Variants in BRINP3 observed in about 807,000 individuals in gnomAD.
The protein encoded by BRINP3 is BMP/retinoic acid-inducible neural-specific protein 3.
BRINP3 carries 19 observed loss-of-function variants against 71.0 expected under a neutral mutation model. The ratio of observed to expected loss-of-function variants is 0.27; its 90% CI spans 0.19 to 0.39. The LOEUF is 0.39. BRINP3 is among the 10% of genes least tolerant of loss of function. The pLI, the probability that BRINP3 is intolerant of heterozygous loss-of-function variation, is 1.00. For synonymous variants in BRINP3, 380 were observed against 337.7 expected (o/e 1.13, Z -1.37); for missense variants, 959 against 940.8 (o/e 1.02, Z -0.25).
chr1:190,442,113 T>C (rs1451749203), intron 2 of BRINP3, among the ~76,000 whole-genome samples: 1 of 152,338 alleles, frequency 6.6e-6, no homozygotes, highest in Non-Finnish European at 1.5e-5. Flanking sequence ...TGTTACTTTT[T>C]AAATTGATAA....
chr1:190,255,095 G>A lies in BRINP3; in HGVS notation c.618+9770C>T, dbSNP rs141684855. On this transcript the variant is annotated intron_variant, in intron 4 of 7. Coordinates refer to ENST00000367462, the MANE Select transcript of BRINP3 (RefSeq NM_199051.3). ...TTATGGTTATTGATTTGCATATGTC[G>A]AACCAGCCTTGCATCCCAGGGTGAA... is the stretch of plus-strand genomic sequence containing the variant. 5.9e-3 allele frequency among the ~76,000 whole-genome samples: 896 copies of A among 151,826 alleles called. 13 individuals carry two copies. The highest frequency in any genetic ancestry group is 0.042 in the South Asian group (200 of 4,810).
chr1:190,228,360 A>G (rs2102710855), intron 5 of BRINP3, among the ~76,000 whole-genome samples: 1 of 152,146 alleles, frequency 6.6e-6, no homozygotes, highest in East Asian at 1.9e-4. Flanking sequence ...TAAACTACTT[A>G]TCCATTTTAA....
intron 2 of BRINP3, among the ~76,000 whole-genome samples, chr1:190,336,713 C>A (rs570877973): frequency 6.6e-6 from 1 of 152,090 alleles, no homozygotes; most frequent in South Asian, 2.1e-4. Flanking sequence ...ATCTATGGCT[C>A]ATTTCTTAAA....
intron 7 of BRINP3, among the ~76,000 whole-genome samples, chr1:190,114,797 C>A (rs1652992441): frequency 6.6e-6 from 1 of 152,144 alleles, no homozygotes; most frequent in African/African-American, 2.4e-5. Flanking sequence ...CTGGTCTCTT[C>A]ACTATTTTGA....
chr1:190,385,943 A>T (rs968274483), intron 2 of BRINP3, among the ~76,000 whole-genome samples: 5 of 148,314 alleles, frequency 3.4e-5, no homozygotes, highest in Non-Finnish European at 7.5e-5. Context: ...GACATGGATG[A>T]AATTGGAAAT....
chr1:190,317,452 G>T (rs1665964229), intron 2 of BRINP3, among the ~76,000 whole-genome samples: 1 of 152,014 alleles, frequency 6.6e-6, no homozygotes, highest in East Asian at 1.9e-4. Context: ...CAAGTTGTCT[G>T]CAATACATCC....
intron 2 of BRINP3, among the ~76,000 whole-genome samples, chr1:190,320,956 T>C (rs1335462625): frequency 6.7e-6 from 1 of 149,800 alleles, no homozygotes; most frequent in East Asian, 1.9e-4. Context: ...ATATATGTTA[T>C]ATATATATAC....
At chr1:190,277,087 T>TTTTATATATA (rs1290283215) in intron 3 of BRINP3, among the ~76,000 whole-genome samples, 8 of 36,006 alleles carry the variant, frequency 2.2e-4, no homozygotes, top group Non-Finnish European at 3.3e-4. Context: ...AATTTTGGTT[T>TTTTATATATA]TATATATATA....
At chr1:190,317,619 GTTC>G (rs1375747136) in intron 2 of BRINP3, among the ~76,000 whole-genome samples, 3 of 149,834 alleles carry the variant, frequency 2.0e-5, no homozygotes, top group Non-Finnish European at 4.4e-5. Context: ...TAGTTTCCCA[GTTC>G]TTAAGAAAGT....
chr1:190,343,734 T>G (rs1251856937), intron 2 of BRINP3, among the ~76,000 whole-genome samples: 1 of 151,584 alleles, frequency 6.6e-6, no homozygotes. Context: ...ATAAACCGAC[T>G]CTGTATGTAC....
intron 2 of BRINP3, among the ~76,000 whole-genome samples, chr1:190,300,172 C>A (rs10920689): frequency 0.014 from 2,106 of 152,258 alleles, 40 homozygotes; most frequent in African/African-American, 0.048. Context: ...TTCTCCCCAT[C>A]ACTTTCAGGT....
chr1:190,215,093 TGA>T (rs1656292212), intron 6 of BRINP3, among the ~76,000 whole-genome samples: 2 of 95,932 alleles, frequency 2.1e-5, no homozygotes, highest in Non-Finnish European at 4.4e-5. Context: ...GTAGCTATTA[TGA>T]AAAAAAAAAA....
At chr1:190,209,897 T>C (rs1655838837) in intron 6 of BRINP3, among the ~76,000 whole-genome samples, 1 of 152,130 alleles carries the variant, frequency 6.6e-6, no homozygotes, top group Non-Finnish European at 1.5e-5. Flanking sequence ...TATGCTTTAG[T>C]AGAAAAATGA....
chr1:190,470,518 G>A (rs1183099559), intron 1 of BRINP3, among the ~76,000 whole-genome samples: 1 of 150,694 alleles, frequency 6.6e-6, no homozygotes, highest in African/African-American at 2.4e-5. Context: ...AGTTAATTAG[G>A]GTTTAGGCAT....
At chr1:190,107,190 A>G (rs910914043) in intron 7 of BRINP3, among the ~76,000 whole-genome samples, 14 of 151,996 alleles carry the variant, frequency 9.2e-5, no homozygotes, top group African/African-American at 3.4e-4. Context: ...CCTTTCATAT[A>G]AAAATATAAA....
chr1:190,104,389 C>T lies in BRINP3; in HGVS notation c.1185-5255G>A, dbSNP rs528181142. On this transcript the variant is annotated intron_variant, in intron 7 of 7. Coordinates refer to ENST00000367462, the MANE Select transcript of BRINP3 (RefSeq NM_199051.3). ...TGCAGGTAAAGCATTTAAAAGAATG[C>T]CTGTGCACAGAATAAACAGGAAATA... Among the ~76,000 whole-genome samples the T allele has an allele frequency of 7.9e-5, 12 of 152,120 alleles. No homozygotes were observed. The East Asian group carries it at 2.3e-3, about 29-fold the overall frequency.
chr1:190,346,594 G>C (rs1352926132), intron 2 of BRINP3, among the ~76,000 whole-genome samples: 1 of 152,042 alleles, frequency 6.6e-6, no homozygotes, highest in Non-Finnish European at 1.5e-5. Context: ...ATGAATCTGA[G>C]AAATCTAGCT....
rs541176483 is a variant in BRINP3 at position 190,434,986 on chromosome 1, C to A, written c.236+19669G>T. Among the ~76,000 whole-genome samples the A allele has an allele frequency of 4.6e-3, 706 of 152,208 alleles. 6 individuals carry two copies. The highest frequency in any genetic ancestry group is 0.014 in the Middle Eastern group (4 of 294). On this transcript the variant is annotated intron_variant, in intron 2 of 7. Coordinates refer to ENST00000367462, the MANE Select transcript of BRINP3 (RefSeq NM_199051.3). The stretch of plus-strand genomic sequence containing the variant: ...TATAGTTTTCTGTGCTCTATGAAGA[C>A]TTCATGCTGCTTCATGATGTCCTTG...
intron 6 of BRINP3, among the ~76,000 whole-genome samples, chr1:190,178,478 T>C (rs183949378): frequency 2.0e-5 from 3 of 152,270 alleles, no homozygotes; most frequent in East Asian, 3.9e-4. Flanking sequence ...TGCACCTTTT[T>C]GCCAGTCAAA....
Sources: allele counts gnomAD v4.1 joint callset (sites outside exome capture counted in the v4.1 genomes callset), GRCh38; gene constraint gnomAD v4.1.1; transcripts MANE v1.5; gene names NCBI Gene and HGNC (gene_info 2026-07-23, HGNC 2026-07-21).